The following IPO11 variants were observed in gnomAD, a reference collection of about 807,000 sequenced individuals.
IPO11 encodes importin-11.
Under a neutral mutation model 143.2 loss-of-function variants are expected in IPO11, and 66 were observed. The observed-to-expected ratio is 0.46, with a 90% CI of 0.38 to 0.57. IPO11 has a LOEUF of 0.57. Ranked by LOEUF, IPO11 falls within the 20% of genes least tolerant of loss-of-function variation. The pLI, the probability that IPO11 is intolerant of heterozygous loss-of-function variation, is 0.00. For synonymous variants in IPO11, 385 were observed against 377.8 expected (o/e 1.02, Z -0.22); for missense variants, 1,026 against 1,141.0 (o/e 0.90, Z 1.45).
intron 24 of IPO11, among the ~76,000 whole-genome samples, chr5:62,542,504 T>C (rs1580304345): frequency 1.3e-5 from 2 of 152,144 alleles, no homozygotes; most frequent in East Asian, 1.9e-4. Flanking sequence ...GTATCTCTCA[T>C]ACCATTTCTT....
intron 28 of IPO11, among the ~76,000 whole-genome samples, chr5:62,600,689 A>G (rs1237966014): frequency 6.6e-6 from 1 of 152,144 alleles, no homozygotes; most frequent in African/African-American, 2.4e-5. Flanking sequence ...ACTGTATTAT[A>G]TCATGGCAGA....
intron 29 of IPO11, among the ~76,000 whole-genome samples, chr5:62,608,742 GCTGATGA>G (rs1221914967): frequency 6.6e-6 from 1 of 152,114 alleles, no homozygotes; most frequent in Non-Finnish European, 1.5e-5. Context: ...ATTTGTTACA[GCTGATGA>G]CCCTACATTG....
chr5:62,451,451 C>A (rs1744921420), intron 4 of IPO11, among the ~76,000 whole-genome samples: 1 of 152,262 alleles, frequency 6.6e-6, no homozygotes, highest in South Asian at 2.1e-4. Flanking sequence ...ATATCTGCTT[C>A]TTCATTTACT....
At chr5:62,428,383 G>A (rs531126031) in intron 1 of IPO11, among the ~76,000 whole-genome samples, 5 of 151,968 alleles carry the variant, frequency 3.3e-5, no homozygotes, top group Admixed American at 1.3e-4. Context: ...TCACTGTGTC[G>A]CCCAGGCTGG....
chr5:62,601,748 TA>T lies in IPO11; in HGVS notation c.2679-10del, dbSNP rs1554057988. On this transcript the variant is annotated splice_polypyrimidine_tract_variant and intron_variant, in intron 28 of 29. Coordinates refer to ENST00000325324, the MANE Select transcript of IPO11 (RefSeq NM_016338.5). ...ACATTTTTATTTAAAACATGTTTTT[TA>T]AAAAATTATTATAGCTGTATGTTGA... 1.4e-6 allele frequency: 2 copies of T among 1,433,880 alleles called. No homozygotes were observed. The highest frequency in any genetic ancestry group is 1.5e-5 in the South Asian group (1 of 67,914). The allele number at this position is 1,433,880 out of a possible 1,614,324, so 88.8% of individuals were successfully genotyped here. A position where few individuals can be genotyped will look rare whatever the true frequency, so the allele number is the denominator to read the frequency against.
intron 29 of IPO11, among the ~76,000 whole-genome samples, chr5:62,609,497 C>T (rs555074312): frequency 5.3e-5 from 8 of 152,310 alleles, no homozygotes; most frequent in Admixed American, 2.0e-4. Context: ...TGATGTATAT[C>T]AGGTGTTCAG....
At chr5:62,477,838 C>A (rs1746014885) in intron 9 of IPO11, among the ~76,000 whole-genome samples, 1 of 152,166 alleles carries the variant, frequency 6.6e-6, no homozygotes, top group Non-Finnish European at 1.5e-5. Flanking sequence ...TAGATGGTAT[C>A]TGTAATTTAT....
intron 5 of IPO11, among the ~76,000 whole-genome samples, chr5:62,458,304 C>T (rs551655208): frequency 1.6e-4 from 25 of 151,856 alleles, no homozygotes; most frequent in Non-Finnish European, 3.1e-4. Flanking sequence ...TTTATAGTGG[C>T]TTTTTTTCCC....
chr5:62,472,480 G>A (rs115085850), intron 7 of IPO11, among the ~76,000 whole-genome samples: 2 of 151,182 alleles, frequency 1.3e-5, no homozygotes, highest in Admixed American at 6.6e-5. Context: ...GTCAATTAGA[G>A]GATAAAATGT....
intron 27 of IPO11, among the ~76,000 whole-genome samples, chr5:62,566,868 A>AT (rs1743962214): frequency 6.6e-6 from 1 of 151,746 alleles, no homozygotes; most frequent in African/African-American, 2.4e-5. Context: ...GTGTATATAT[A>AT]TTTTTTAGTG....
chr5:62,612,872 A>G (rs1321831061), intron 29 of IPO11, among the ~76,000 whole-genome samples: 1 of 152,250 alleles, frequency 6.6e-6, no homozygotes, highest in African/African-American at 2.4e-5. Flanking sequence ...TCAGTAAACA[A>G]CATCAAGTGC....
intron 16 of IPO11, among the ~76,000 whole-genome samples, chr5:62,498,415 T>C (rs1741231357): frequency 6.6e-6 from 1 of 152,236 alleles, no homozygotes; most frequent in Non-Finnish European, 1.5e-5. Context: ...TTCTAGGTTT[T>C]AGAACATTAT....
chr5:62,584,612 CAAAAAA>C (rs56062359), intron 27 of IPO11, among the ~76,000 whole-genome samples: 1 of 58,656 alleles, frequency 1.7e-5, no homozygotes, highest in East Asian at 6.2e-4. Context: ...AACTGTGCCT[CAAAAAA>C]AAAAAAAAAA....
chr5:62,554,339 A>G (rs1430901136), intron 26 of IPO11, among the ~76,000 whole-genome samples: 1 of 152,134 alleles, frequency 6.6e-6, no homozygotes, highest in Non-Finnish European at 1.5e-5. Flanking sequence ...TTTTATTAGT[A>G]AAATCTTTTC....
At chr5:62,604,229 A>G (rs1461174760) in intron 29 of IPO11, among the ~76,000 whole-genome samples, 1 of 152,050 alleles carries the variant, frequency 6.6e-6, no homozygotes, top group Admixed American at 6.6e-5. Flanking sequence ...TTTGTTTTGC[A>G]ATGGAGTCTC....
At chr5:62,510,037 C>T (rs1216751936) in intron 19 of IPO11, among the ~76,000 whole-genome samples, 1 of 152,194 alleles carries the variant, frequency 6.6e-6, no homozygotes, top group African/African-American at 2.4e-5. Context: ...ATACCAGTTT[C>T]TCCACACCAT....
chr5:62,436,893 T>C (rs1050883921), intron 1 of IPO11, among the ~76,000 whole-genome samples: 1 of 152,250 alleles, frequency 6.6e-6, no homozygotes, highest in African/African-American at 2.4e-5. Flanking sequence ...TTAATACTTT[T>C]ATAACACTTA....
chr5:62,521,264 A>G (rs780115484), intron 20 of IPO11, among the ~76,000 whole-genome samples: 49 of 152,228 alleles, frequency 3.2e-4, no homozygotes, highest in African/African-American at 9.6e-4. Flanking sequence ...GCAAAAATAC[A>G]TAGGAGGTAA....
intron 16 of IPO11, among the ~76,000 whole-genome samples, chr5:62,496,422 G>A (rs1482085278): frequency 6.6e-6 from 1 of 152,058 alleles, no homozygotes; most frequent in Non-Finnish European, 1.5e-5. Flanking sequence ...TCTTCTGGTG[G>A]CTACATCTCA....
Sources: allele counts gnomAD v4.1 joint callset (sites outside exome capture counted in the v4.1 genomes callset), GRCh38; gene constraint gnomAD v4.1.1; transcripts MANE v1.5; gene names NCBI Gene and HGNC (gene_info 2026-07-23, HGNC 2026-07-21).